The following HSPG2 variants were observed in gnomAD, a reference collection of about 807,000 sequenced individuals.
The protein encoded by HSPG2 is basement membrane-specific heparan sulfate proteoglycan core protein.
Under a neutral mutation model 526.6 loss-of-function variants are expected in HSPG2, and 278 were observed. The ratio of observed to expected loss-of-function variants is 0.53; its 90% CI spans 0.48 to 0.58. HSPG2 has a LOEUF of 0.58. Ranked by LOEUF, HSPG2 falls within the 20% of genes least tolerant of loss-of-function variation. The probability of loss-of-function intolerance (pLI) is 0.00; values close to 1 mark genes in which losing one functional copy is unlikely to be tolerated. For missense variants in HSPG2, 5,354 were observed against 6,099.5 expected (o/e 0.88, Z 4.07); for synonymous variants, 2,465 against 2,555.4 (o/e 0.96, Z 1.07).
intron 37 of HSPG2, 99 bp from the exon 38 acceptor site, chr1:21,862,214 A>G (rs1639844308): frequency 6.9e-6 from 9 of 1,306,544 alleles, no homozygotes; most frequent in African/African-American, 1.4e-5. Context: ...CAAGTTTGTG[A>G]ACTCATCTTA....
chr1:21,875,827 C>T, intron 24 of HSPG2, 36 bp downstream of exon 24: 7 of 1,611,040 alleles, frequency 4.3e-6, no homozygotes, highest in Non-Finnish European at 5.1e-6. Context: ...CAAGGGCCTG[C>T]CCGCACCCCT....
intron 1 of HSPG2, among the ~76,000 whole-genome samples, chr1:21,920,341 C>A (rs1440139369): frequency 2.6e-5 from 4 of 152,214 alleles, no homozygotes; most frequent in Non-Finnish European, 4.4e-5. Flanking sequence ...ATGCATCACC[C>A]CACCCTAAAC....
rs369426628 is a variant in HSPG2 at position 21,846,076 on chromosome 1, C to T, written c.8464+32G>A. 27 of 1,610,758 alleles carry T rather than the reference C, an allele frequency of 1.7e-5. No individual in the cohort carries two copies. The East Asian group carries it at 2.0e-4, about 12-fold the overall frequency. On this transcript the variant is annotated intron_variant, in intron 64 of 96. Coordinates refer to ENST00000374695, the MANE Select transcript of HSPG2 (RefSeq NM_005529.7). ...GGTCTCTGTCCCTTCCTCCCTCCCC[C>T]GGCCTTCCCGTCCCACTGCAGGGAC...
At chr1:21,867,378 C>T (rs1640326030) in intron 33 of HSPG2, among the ~76,000 whole-genome samples, 1 of 152,044 alleles carries the variant, frequency 6.6e-6, no homozygotes, top group African/African-American at 2.4e-5. Context: ...AGCCATTGTA[C>T]CCAGATCCAG....
intron 1 of HSPG2, among the ~76,000 whole-genome samples, chr1:21,906,863 T>C (rs1333400197): frequency 6.6e-6 from 1 of 152,138 alleles, no homozygotes; most frequent in Non-Finnish European, 1.5e-5. Flanking sequence ...CATCCCGCCT[T>C]TCCCTCAAGT....
In HSPG2 at chr1:21,898,612, C is replaced by T. The variant is rs1572403563; in HGVS notation, c.64-2302G>A. Among the ~76,000 whole-genome samples the T allele has an allele frequency of 6.6e-6, 1 of 152,336 alleles. No individual in the cohort carries two copies. Among genetic ancestry groups the T allele is most frequent in the East Asian group, 1.9e-4 (1 of 5,178 alleles). ...AACCGTAAGACCAGCCCCTACCAGG[C>T]GCTCTGCCTCCTTCCCTGGGTGGGG... On this transcript the variant is annotated intron_variant, in intron 1 of 96. Transcript: ENST00000374695. The surrounding 1 kb of genome is among the most constrained non-coding windows in gnomAD (Gnocchi z 4.0).
intron 39 of HSPG2, 125 bp downstream of exon 39, chr1:21,861,632 G>T: frequency 2.3e-6 from 2 of 888,106 alleles, no homozygotes; most frequent in Non-Finnish European, 3.6e-6. Flanking sequence ...TGTCTTAGAA[G>T]TGTTTGAGGC....
intron 33 of HSPG2, chr1:21,870,320 G>A (rs1480008739): frequency 2.0e-6 from 2 of 985,388 alleles, no homozygotes; most frequent in African/African-American, 1.7e-5. Context: ...CGGTTCTGAT[G>A]AAATGGAGGG....
At chr1:21,862,419 C>T (rs1403315188) in intron 37 of HSPG2, among the ~76,000 whole-genome samples, 2 of 151,812 alleles carry the variant, frequency 1.3e-5, no homozygotes, top group African/African-American at 4.8e-5. Flanking sequence ...CCCATCTCTA[C>T]TAACAAATAC....
chr1:21,916,703 AAAG>A, intron 1 of HSPG2, among the ~76,000 whole-genome samples: 1 of 151,900 alleles, frequency 6.6e-6, no homozygotes, highest in Non-Finnish European at 1.5e-5. Context: ...AAAAAAAAAA[AAAG>A]AAACTGAATT....
At chr1:21,853,598 T>C (rs1373930839) in intron 50 of HSPG2, 1 of 166,770 alleles carries the variant, frequency 6.0e-6, no homozygotes, top group Admixed American at 6.0e-5. Flanking sequence ...TACAAAAAAT[T>C]AGCCGGCCTG....
At chr1:21,888,793 T>C (rs910806673) in intron 6 of HSPG2, 126 of 1,088,458 alleles carry the variant, frequency 1.2e-4, no homozygotes, top group Non-Finnish European at 1.4e-4. Context: ...TGGGCCACAT[T>C]CCACCATCCC....
At chr1:21,886,577 G>C (rs1403287353) in intron 9 of HSPG2, among the ~76,000 whole-genome samples, 1 of 152,156 alleles carries the variant, frequency 6.6e-6, no homozygotes, top group Non-Finnish European at 1.5e-5. Flanking sequence ...TGTGGTCGCT[G>C]CCTCTCCAGC....
Position 21,874,425 on chromosome 1 carries a change from C to T in HSPG2, c.3637G>A (p.Gly1213Arg), listed in dbSNP as rs772633743. 7 of 1,611,404 alleles carry T rather than the reference C, an allele frequency of 4.3e-6. No individual in the cohort carries two copies. Among genetic ancestry groups the T allele is most frequent in the East Asian group, 4.5e-5 (2 of 44,874 alleles). Residue 1213 changes from glycine to arginine, a missense_variant, in exon 28 of 97, where the codon GGA becomes AGA. By Grantham distance (125) the Gly-to-Arg change is moderately radical (BLOSUM62 -2). Coordinates refer to ENST00000374695, the MANE Select transcript of HSPG2 (RefSeq NM_005529.7). Reference protein sequence around the residue: ...PQDCQLCPCYGDPAAGQAAHT... With the variant: ...PQDCQLCPCYRDPAAGQAAHT... ...ACGCACTGGCCGGCAGCAGGGTCTC[C>T]GTAGCAGGGGCACAGCTGGCAGTCC...
In HSPG2 at chr1:21,844,177, G is replaced by T. The variant is rs748522136; in HGVS notation, c.8587C>A (p.Arg2863Ser). 1 of 1,613,612 alleles carries T rather than the reference G, an allele frequency of 6.2e-7. No homozygotes were observed. Residue 2863 changes from arginine (R) to serine (S), a missense_variant, in exon 65 of 97, where the codon CGT (arginine) becomes AGT (serine). By Grantham distance (110) the Arg-to-Ser change is moderately radical. Coordinates refer to ENST00000374695, the MANE Select transcript of HSPG2 (RefSeq NM_005529.7). ...QAHAQVTWHK[R>S]GGNLPARHQV... ...TGCCGGGCAGGGAGGTTTCCTCCACGCTTGTGCCACGTGACCTGGGCGTGG... is the reference window on the plus strand; with the variant it reads ...TGCCGGGCAGGGAGGTTTCCTCCACTCTTGTGCCACGTGACCTGGGCGTGG...
At chr1:21,918,491 G>C (rs916838618) in intron 1 of HSPG2, among the ~76,000 whole-genome samples, 45 of 151,512 alleles carry the variant, frequency 3.0e-4, no homozygotes, top group African/African-American at 1.1e-3. Context: ...AGGAGGGGTG[G>C]GACAATAATA....
chr1:21,855,095 C>T (rs1572239745), intron 47 of HSPG2, 112 bp from the exon 48 acceptor site: 1 of 1,425,610 alleles, frequency 7.0e-7, no homozygotes, highest in East Asian at 2.4e-5. Flanking sequence ...TATTAGGGCC[C>T]AGTGGGGCAT....
Position 21,864,294 on chromosome 1 carries a change from T to C in HSPG2, c.4627-81A>G, listed in dbSNP as rs1640051954. Reference sequence around the variant, plus strand: ...GCAGACCCAGAACCCCTCCCTCCAGTGTCCTCCCAGGGGTGACCCTGGAAC... The same window carrying C: ...GCAGACCCAGAACCCCTCCCTCCAGCGTCCTCCCAGGGGTGACCCTGGAAC... On this transcript the variant is annotated intron_variant, in intron 36 of 96. Coordinates refer to ENST00000374695, the MANE Select transcript of HSPG2 (RefSeq NM_005529.7). This position sits in a 1 kb window ranked among gnomAD's most constrained non-coding sequence, Gnocchi z 4.8. 1 of 1,156,362 alleles carries C rather than the reference T, an allele frequency of 8.6e-7. No homozygotes were observed. Among genetic ancestry groups the C allele is most frequent in the Admixed American group, 2.0e-5 (1 of 50,444 alleles). 71.6% of individuals were successfully genotyped at this position (1,156,362 alleles called of 1,614,324 possible).
In HSPG2 at chr1:21,860,215, C is replaced by T. The variant is rs1230206188; in HGVS notation, c.4976G>A (p.Gly1659Asp). 6.2e-7 allele frequency: 1 copy of T among 1,613,662 alleles called. No homozygotes were observed. The change falls in exon 40 of 97, where the codon GGT (glycine) becomes GAT (aspartate). Residue 1659 changes from glycine to aspartate, a missense_variant. By Grantham distance (94) the Gly-to-Asp change is moderately conservative. Coordinates refer to ENST00000374695, the MANE Select transcript of HSPG2 (RefSeq NM_005529.7). ...YCEQCGPGYVGNPSVQGGQCL... is the reference protein window; with the variant it reads ...YCEQCGPGYVDNPSVQGGQCL... Reference sequence around the variant, plus strand: ...CTGGCCCCCTTGCACACTGGGGTTACCCACGTAACCTGGGCCACACCTGTA... The same window carrying T: ...CTGGCCCCCTTGCACACTGGGGTTATCCACGTAACCTGGGCCACACCTGTA...
Sources: allele counts gnomAD v4.1 joint callset (sites outside exome capture counted in the v4.1 genomes callset), GRCh38; gene constraint gnomAD v4.1.1; non-coding constraint Gnocchi (gnomAD v3.1); transcripts MANE v1.5; gene names NCBI Gene and HGNC (gene_info 2026-07-23, HGNC 2026-07-21).